FGD3: variants seen among roughly 807,000 people sequenced by gnomAD.
The protein encoded by FGD3 is FYVE, RhoGEF and PH domain containing 3.
FGD3 carries 45 observed loss-of-function variants against 71.8 expected under a neutral mutation model. The observed-to-expected ratio is 0.63, with a 90% CI of 0.49 to 0.80. The LOEUF is 0.80. FGD3 is among the 30% of genes least tolerant of loss of function. The pLI is 0.00. For missense variants in FGD3, 844 were observed against 951.5 expected (o/e 0.89, Z 1.49); for synonymous variants, 378 against 392.8 (o/e 0.96, Z 0.44).
chr9:92,963,402 C>T (rs545900066), intron 1 of FGD3, among the ~76,000 whole-genome samples: 3 of 152,258 alleles, frequency 2.0e-5, no homozygotes, highest in East Asian at 3.9e-4. Flanking sequence ...GGGGTTCGAG[C>T]GGTCCTCCCA....
chr9:92,992,340 T>C (rs1452277734), intron 3 of FGD3, among the ~76,000 whole-genome samples: 2 of 152,256 alleles, frequency 1.3e-5, no homozygotes, highest in Non-Finnish European at 2.9e-5. Context: ...TAGTTTTACA[T>C]GTTTTCAAGA....
chr9:93,032,875 T>C lies in FGD3; in HGVS notation c.1785+2T>C. ...CCAGTGGCCCCTGAGAGCACAGAGGTGGGTGCTCCCAGCTCCTGCTCCCCT... is the reference window on the plus strand; with the variant it reads ...CCAGTGGCCCCTGAGAGCACAGAGGCGGGTGCTCCCAGCTCCTGCTCCCCT... On this transcript the variant is annotated splice_donor_variant, in intron 16 of 17. Transcript: ENST00000375482. LOFTEE classifies it high-confidence loss of function. The C allele has an allele frequency of 6.2e-7, 1 of 1,613,702 alleles. No homozygotes were observed. The highest frequency in any genetic ancestry group is 1.7e-5 in the Admixed American group (1 of 60,018).
chr9:93,035,469 C>T lies in FGD3; in HGVS notation c.2058C>T (p.Ser686=), dbSNP rs766835513. 49 of 1,613,496 alleles carry T rather than the reference C, an allele frequency of 3.0e-5. No homozygotes were observed. Among genetic ancestry groups the T allele is most frequent in the Non-Finnish European group, 4.1e-5 (48 of 1,179,982 alleles). The stretch of plus-strand genomic sequence containing the variant: ...AGCAGTCCTGGTACCTGAGCGCCTC[C>T]TCCGCAGAGCTGCAGCAGCAGTGGC... The part of the protein sequence containing the change: ...WAKQSWYLSA[S]SAELQQQWLE... Residue 686 remains serine (S), a synonymous_variant, in exon 18 of 18, where the codon TCC becomes TCT. Transcript: ENST00000375482.
intron 10 of FGD3, among the ~76,000 whole-genome samples, chr9:93,016,800 T>C (rs1861716484): frequency 6.6e-6 from 1 of 151,458 alleles, no homozygotes; most frequent in African/African-American, 2.4e-5. Context: ...ATTTTTGTAT[T>C]TTTAGTAGAG....
At chr9:93,031,344 C>T (rs1025749614) in intron 15 of FGD3, among the ~76,000 whole-genome samples, 1 of 152,156 alleles carries the variant, frequency 6.6e-6, no homozygotes, top group African/African-American at 2.4e-5. Context: ...GGCTTTGTGA[C>T]TACTCAGGAT....
At chr9:92,997,625 C>A (rs972246491) in intron 3 of FGD3, among the ~76,000 whole-genome samples, 19 of 152,120 alleles carry the variant, frequency 1.2e-4, no homozygotes, top group Non-Finnish European at 2.4e-4. Context: ...TTGTTCCTTT[C>A]CATATTTAGT....
intron 1 of FGD3, among the ~76,000 whole-genome samples, chr9:92,964,578 G>T (rs1279680187): frequency 6.6e-6 from 1 of 152,220 alleles, no homozygotes; most frequent in East Asian, 1.9e-4. Flanking sequence ...GTTATTGTGG[G>T]CCTCGAATGG....
At position 93,019,356 on chromosome 9, in the gene FGD3, C is replaced by A. The variant is rs371896071; in HGVS notation, c.1356-475C>A. ...GACGAGGACCTGCGCTCCTCCCGAA[C>A]CTGGCCATCACAAATGCGGCTGCAA... is the stretch of plus-strand genomic sequence containing the variant. On this transcript the variant is annotated intron_variant, in intron 11 of 17. Coordinates refer to ENST00000375482, the MANE Select transcript of FGD3 (RefSeq NM_001083536.2). 2.0e-5 allele frequency among the ~76,000 whole-genome samples: 3 copies of A among 152,222 alleles called. No homozygotes were observed. In the East Asian group the frequency reaches 5.8e-4, roughly 29 times the overall value.
chr9:92,990,504 T>C (rs942464426), intron 3 of FGD3, among the ~76,000 whole-genome samples: 5 of 152,220 alleles, frequency 3.3e-5, no homozygotes, highest in African/African-American at 1.2e-4. Context: ...TTCCAATTCT[T>C]AGAGGAGAAG....
Position 92,976,717 on chromosome 9 carries a change from TC to T in FGD3, c.453+12del. ...GATGCCGGCCTGGCCCAGGTAGGCT[TC>T]CCCTTCTCTGTCCCCGCTGCGGGCT... On this transcript the variant is annotated intron_variant, in intron 3 of 17. Coordinates refer to ENST00000375482, the MANE Select transcript of FGD3 (RefSeq NM_001083536.2). The T allele has an allele frequency of 5.1e-6, 8 of 1,557,386 alleles. No homozygotes were observed. Among genetic ancestry groups the T allele is most frequent in the Non-Finnish European group, 6.9e-6 (8 of 1,151,252 alleles).
chr9:93,016,992 GT>G (rs1587860478), intron 10 of FGD3, among the ~76,000 whole-genome samples: 2 of 152,252 alleles, frequency 1.3e-5, no homozygotes, highest in Admixed American at 6.5e-5. Context: ...TGGGCACGTA[GT>G]TTCGCTGGCT....
intron 1 of FGD3, among the ~76,000 whole-genome samples, chr9:92,952,656 C>T (rs1012674419): frequency 6.6e-6 from 1 of 151,910 alleles, no homozygotes. Flanking sequence ...CTCCCTCCTT[C>T]CCCCTCTTTC....
chr9:93,001,482 A>G (rs191636228), intron 3 of FGD3, among the ~76,000 whole-genome samples: 2 of 152,262 alleles, frequency 1.3e-5, no homozygotes, highest in Admixed American at 1.3e-4. Flanking sequence ...TTTCTATCTT[A>G]TCTTCTTTAC....
intron 11 of FGD3, among the ~76,000 whole-genome samples, chr9:93,018,517 G>A (rs1470819696): frequency 6.6e-6 from 1 of 152,162 alleles, no homozygotes; most frequent in Non-Finnish European, 1.5e-5. Flanking sequence ...CAATGTGTAA[G>A]AAAACAGGAA....
intron 1 of FGD3, among the ~76,000 whole-genome samples, chr9:92,956,883 G>A (rs2118505133): frequency 7.8e-6 from 1 of 128,296 alleles, no homozygotes; most frequent in African/African-American, 3.1e-5. Context: ...CTGTCTCCCA[G>A]TCTGGAGTGC....
rs948497706 is a variant in FGD3 at position 93,006,011 on chromosome 9, T to C, written c.681-13T>C. 13 of 1,586,228 alleles carry C rather than the reference T, an allele frequency of 8.2e-6. No homozygotes were observed. Among genetic ancestry groups the C allele is most frequent in the East Asian group, 2.3e-5 (1 of 44,430 alleles). On this transcript the variant is annotated splice_polypyrimidine_tract_variant and intron_variant, in intron 5 of 17. Transcript: ENST00000375482. ...ACCCAGCTATTTCTCTGATGATTCATTTCTCCACGAAGGGACACAAACCCA... is the reference window on the plus strand; with the variant it reads ...ACCCAGCTATTTCTCTGATGATTCACTTCTCCACGAAGGGACACAAACCCA...
At chr9:93,004,436 A>T (rs1860975237) in intron 5 of FGD3, among the ~76,000 whole-genome samples, 1 of 152,242 alleles carries the variant, frequency 6.6e-6, no homozygotes, top group South Asian at 2.1e-4. Context: ...GAAACACCAC[A>T]CAGTGGATAG....
chr9:93,013,704 C>T, intron 8 of FGD3, 148 bp from the exon 9 acceptor site: 4 of 926,328 alleles, frequency 4.3e-6, no homozygotes, highest in Non-Finnish European at 6.7e-6. Context: ...CCAACTCAAA[C>T]ATCACTCTGT....
At chr9:92,948,866 G>A (rs889569570) in intron 1 of FGD3, among the ~76,000 whole-genome samples, 1 of 152,204 alleles carries the variant, frequency 6.6e-6, no homozygotes, top group Admixed American at 6.5e-5. Flanking sequence ...TGTGCCCAGG[G>A]TCCCAGCTCA....
Sources: gnomAD v4.1 joint callset for allele counts (sites outside exome capture counted in the v4.1 genomes callset) on GRCh38, gnomAD v4.1.1 for gene constraint, MANE v1.5 for transcripts, NCBI Gene and HGNC (gene_info 2026-07-23, HGNC 2026-07-21) for gene names.